The following PDGFA variants were observed in gnomAD, a reference collection of about 807,000 sequenced individuals.
The protein encoded by PDGFA is platelet derived growth factor subunit A.
In PDGFA, 9 loss-of-function variants were observed where a neutral mutation model predicts 25.6. That is an observed-to-expected ratio of 0.35 (90% confidence interval 0.21 to 0.61). The LOEUF is 0.61. Ranked by LOEUF, PDGFA falls within the 20% of genes least tolerant of loss-of-function variation. The pLI is 0.75. For missense variants in PDGFA, 242 were observed against 272.8 expected (o/e 0.89, Z 0.79); for synonymous variants, 133 against 111.8 (o/e 1.19, Z -1.20).
At chr7:511,235 G>A (rs1423160509) in intron 3 of PDGFA, among the ~76,000 whole-genome samples, 5 of 148,720 alleles carry the variant, frequency 3.4e-5, no homozygotes, top group Non-Finnish European at 6.0e-5. Flanking sequence ...TGGACAGGTG[G>A]GGCCAGTGGC....
At chr7:514,880 C>T (rs1212868100) in intron 2 of PDGFA, among the ~76,000 whole-genome samples, 1 of 152,264 alleles carries the variant, frequency 6.6e-6, no homozygotes, top group African/African-American at 2.4e-5. Flanking sequence ...CACTCCAGCA[C>T]ACCCTCCGAA....
Position 508,400 on chromosome 7 carries a change from C to T in PDGFA, c.453+2409G>A, listed in dbSNP as rs572080231. Among the ~76,000 whole-genome samples, 4 of 151,788 alleles carry T rather than the reference C, an allele frequency of 2.6e-5. No homozygotes were observed. In the South Asian group the frequency reaches 6.3e-4, roughly 24 times the overall value. On this transcript the variant is annotated intron_variant, in intron 4 of 5. Coordinates refer to ENST00000402802, the Ensembl canonical transcript of PDGFA. ...GGGCAACACAGCGAGATCCCCGACT[C>T]TGCAAAGAATTTAAAAATTAGCCAG...
At chr7:506,619 G>A (rs1032436786) in intron 4 of PDGFA, among the ~76,000 whole-genome samples, 10 of 152,286 alleles carry the variant, frequency 6.6e-5, no homozygotes, top group South Asian at 2.1e-4. Context: ...TGCAGTCCTC[G>A]GGCTGGCATC....
chr7:508,590 T>TAAC (rs1275774675), intron 4 of PDGFA, among the ~76,000 whole-genome samples: 5 of 130,946 alleles, frequency 3.8e-5, no homozygotes, highest in African/African-American at 1.2e-4. Flanking sequence ...AAAAAAAAAT[T>TAAC]CTCAGCTGAG....
chr7:511,254 GAGGGGAA>G (rs1440834097), intron 3 of PDGFA, among the ~76,000 whole-genome samples: 1 of 145,858 alleles, frequency 6.9e-6, no homozygotes, highest in African/African-American at 2.6e-5. Flanking sequence ...GCTCGGAGGG[GAGGGGAA>G]CTTAGTCCAG....
Position 517,773 on chromosome 7 carries a change from G to A in PDGFA, c.64-283C>T, listed in dbSNP as rs1783176630. Among the ~76,000 whole-genome samples, 1 of 149,924 alleles carries A rather than the reference G, an allele frequency of 6.7e-6. No homozygotes were observed. The highest frequency in any genetic ancestry group is 2.5e-5 in the African/African-American group (1 of 40,274). ...TTCAGACAAAAGCCCCCGCACTCCG[G>A]CCCCTCCACCCGGGGTGTCAGTTAC... On this transcript the variant is annotated intron_variant, in intron 1 of 5. Coordinates refer to ENST00000402802, the Ensembl canonical transcript of PDGFA. This position sits in a 1 kb window ranked among gnomAD's most constrained non-coding sequence, Gnocchi z 7.4.
chr7:515,742 A>G (rs1187661940), intron 2 of PDGFA, among the ~76,000 whole-genome samples: 1 of 148,836 alleles, frequency 6.7e-6, no homozygotes, highest in East Asian at 2.0e-4. Flanking sequence ...GAAACCGGCC[A>G]GGACTAGCTT....
intron 4 of PDGFA, among the ~76,000 whole-genome samples, chr7:508,039 C>T (rs1471375740): frequency 3.3e-5 from 5 of 152,146 alleles, no homozygotes; most frequent in Non-Finnish European, 2.9e-5. Flanking sequence ...CAATACCCAG[C>T]ACCTCAGAGG....
chr7:517,361 TC>T lies in PDGFA; in HGVS notation c.160+32del. On this transcript the variant is annotated intron_variant, in intron 2 of 5. Coordinates refer to ENST00000402802, the Ensembl canonical transcript of PDGFA. The surrounding 1 kb of genome is among the most constrained non-coding windows in gnomAD (Gnocchi z 7.4). ...GCGCACAGGCCGCCCGCCCGCGCCCTCCCCGCGCGCGGAGGGAAGGGGCGCG... is the reference window on the plus strand; with the variant it reads ...GCGCACAGGCCGCCCGCCCGCGCCCTCCCGCGCGCGGAGGGAAGGGGCGCG... The T allele has an allele frequency of 3.5e-6, 4 of 1,137,650 alleles. No homozygotes were observed. The highest frequency in any genetic ancestry group is 3.8e-5 in the South Asian group (2 of 52,750). 70.5% of individuals were successfully genotyped at this position (1,137,650 alleles called of 1,614,324 possible).
At chr7:510,879 C>T (rs1404565107) in exon 4 of PDGFA, 3 of 1,611,850 alleles carry the variant, frequency 1.9e-6, no homozygotes, top group Non-Finnish European at 2.5e-6. Context: ...GCCGGTGCAG[C>T]GTTTCACCTC....
At position 517,341 on chromosome 7, in the gene PDGFA, C is replaced by G; in HGVS notation, c.160+53G>C. 1.1e-6 allele frequency: 1 copy of G among 890,808 alleles called. No homozygotes were observed. The highest frequency in any genetic ancestry group is 2.5e-5 in the South Asian group (1 of 39,550). The allele number at this position is 890,808 out of a possible 1,614,324, so 55.2% of individuals were successfully genotyped here. A position where few individuals can be genotyped will look rare whatever the true frequency, so the allele number is the denominator to read the frequency against. ...CCGCCCGGCCCCAGCTCGGGGCGCA[C>G]AGGCCGCCCGCCCGCGCCCTCCCCG... On this transcript the variant is annotated intron_variant, in intron 2 of 5. Coordinates refer to ENST00000402802, the Ensembl canonical transcript of PDGFA. The surrounding 1 kb of genome is among the most constrained non-coding windows in gnomAD (Gnocchi z 7.4).
chr7:515,838 G>A (rs905589972), intron 2 of PDGFA, among the ~76,000 whole-genome samples: 3 of 152,158 alleles, frequency 2.0e-5, no homozygotes, highest in African/African-American at 7.2e-5. Flanking sequence ...CCACGAAGCT[G>A]CAATGCTAAA....
chr7:512,288 C>G, intron 3 of PDGFA, 63 bp downstream of exon 3: 2 of 1,459,428 alleles, frequency 1.4e-6, no homozygotes, highest in Non-Finnish European at 9.4e-7. Context: ...CCCTGCCCAT[C>G]GCGGCCTCCT....
At position 515,463 on chromosome 7, in the gene PDGFA, TG is replaced by T. The variant is rs1251994878; in HGVS notation, c.160+1930del. Among the ~76,000 whole-genome samples the T allele has an allele frequency of 7.9e-5, 12 of 152,278 alleles. No individual in the cohort carries two copies. In the East Asian group the frequency reaches 2.3e-3, roughly 29 times the overall value. ...TCTCCTGTCCTCAGGCGAGAGACTGTGGGTTTCTCTGGTTCTGTTTTCAGCC... is the reference window on the plus strand; with the variant it reads ...TCTCCTGTCCTCAGGCGAGAGACTGTGGTTTCTCTGGTTCTGTTTTCAGCC... On this transcript the variant is annotated intron_variant, in intron 2 of 5. Coordinates refer to ENST00000402802, the Ensembl canonical transcript of PDGFA.
intron 4 of PDGFA, among the ~76,000 whole-genome samples, chr7:506,175 C>CAAAAA (rs34159199): frequency 5.6e-5 from 6 of 107,350 alleles, no homozygotes; most frequent in African/African-American, 1.8e-4. Flanking sequence ...GACTCTGTCT[C>CAAAAA]AAAAAAAAAA....
exon 3 of PDGFA, chr7:512,451 A>C (rs778537795): frequency 1.2e-6 from 2 of 1,613,156 alleles, no homozygotes; most frequent in Non-Finnish European, 1.7e-6. Context: ...AAGAATCCTC[A>C]CTCCCTGCAG....
At chr7:516,153 C>T (rs1177154226) in intron 2 of PDGFA, among the ~76,000 whole-genome samples, 2 of 148,166 alleles carry the variant, frequency 1.3e-5, no homozygotes, top group Non-Finnish European at 3.0e-5. Flanking sequence ...ACTGAGGGAT[C>T]CGGTCAAAAT....
chr7:515,100 C>G (rs1783029994), intron 2 of PDGFA, among the ~76,000 whole-genome samples: 1 of 152,318 alleles, frequency 6.6e-6, no homozygotes. Flanking sequence ...GGGGCGCACC[C>G]CTGGGATTCC....
intron 1 of PDGFA, among the ~76,000 whole-genome samples, chr7:518,714 C>G (rs1156289283): frequency 5.9e-5 from 9 of 152,202 alleles, no homozygotes; most frequent in Non-Finnish European, 1.5e-5. Context: ...TCGTCCACCT[C>G]GCTGCTCCCC....
Sources: gnomAD v4.1 joint callset for allele counts (sites outside exome capture counted in the v4.1 genomes callset) on GRCh38, gnomAD v4.1.1 for gene constraint, Gnocchi (gnomAD v3.1) non-coding constraint, MANE v1.5 for transcripts, NCBI Gene and HGNC (gene_info 2026-07-23, HGNC 2026-07-21) for gene names.